The following LILRA4 variants were observed in gnomAD, a reference collection of about 807,000 sequenced individuals.
The protein encoded by LILRA4 is leukocyte immunoglobulin like receptor A4, also known as leukocyte immunoglobulin-like receptor subfamily A member 4.
LILRA4 carries 51 observed loss-of-function variants against 49.5 expected under a neutral mutation model. That is an observed-to-expected ratio of 1.03 (90% CI 0.82 to 1.30). The LOEUF (loss-of-function observed/expected upper bound fraction) is 1.30, where lower values mean the gene tolerates loss of function less well. Ranked by LOEUF, LILRA4 falls within the 50% of genes most tolerant of loss-of-function variation. The pLI is 0.00. For synonymous variants in LILRA4, 272 were observed against 265.6 expected, an observed-to-expected ratio of 1.02 and a Z score of -0.23; for missense variants, 624 against 625.6, an observed-to-expected ratio of 1.00 and a Z score of 0.03.
chr19:54,337,318 C>T (rs113109589), intron 5 of LILRA4, 82 bp downstream of exon 5: 23 of 1,492,522 alleles, frequency 1.5e-5, no homozygotes, highest in Admixed American at 3.8e-5. Flanking sequence ...CACCCCTCAT[C>T]CCGGCCATCA....
rs73938667 is a variant in LILRA4 at position 54,333,389 on chromosome 19, C to T, written c.*183G>A. The T allele has an allele frequency of 8.1e-3, 5,290 of 652,830 alleles. 185 individuals are homozygous for T. The African/African-American group carries it at 0.081, about 10-fold the overall frequency. The allele number at this position is 652,830 out of a possible 1,614,324, so 40.4% of individuals were successfully genotyped here. On this transcript the variant is annotated 3_prime_UTR_variant, in exon 8 of 8. Coordinates refer to ENST00000291759, the MANE Select transcript of LILRA4 (RefSeq NM_012276.5). ...AGCCTTACATCATAGGGAAGAAAAA[C>T]GAAGGAAGGGGCAGTCAAGGAGAGT...
chr19:54,339,055 C>T lies in LILRA4; in HGVS notation c.34+5G>A, dbSNP rs779193913. Reference sequence around the variant, plus strand: ...GGGTCTCTCCTCCCCCTCTTAAGATCTCACCAAAGAAGAGCAGGCTTGTGA... The same window carrying T: ...GGGTCTCTCCTCCCCCTCTTAAGATTTCACCAAAGAAGAGCAGGCTTGTGA... On this transcript the variant is annotated splice_donor_5th_base_variant and intron_variant, in intron 1 of 7. Coordinates refer to ENST00000291759, the MANE Select transcript of LILRA4 (RefSeq NM_012276.5). 2 of 1,614,210 alleles carry T rather than the reference C, an allele frequency of 1.2e-6. No individual in the cohort carries two copies. The highest frequency in any genetic ancestry group is 8.5e-7 in the Non-Finnish European group (1 of 1,180,028).
rs1319921463 is a variant in LILRA4, at chr19:54,338,214, G to A, written c.377C>T (p.Ser126Phe). ...GGTCACCACAGGGCTTGGCAGTGCG[G>A]ACAGGGTGGGTCTGCTGTAGGCTTT... Reference protein sequence around the residue: ...VVTAYSRPTLSALPSPVVTSG... With the variant: ...VVTAYSRPTLFALPSPVVTSG... Residue 126 changes from serine to phenylalanine, a missense_variant, in exon 4 of 8, where the codon TCC (serine) becomes TTC (phenylalanine). Coordinates refer to ENST00000291759, the MANE Select transcript of LILRA4 (RefSeq NM_012276.5). The A allele has an allele frequency of 1.2e-6, 2 of 1,612,426 alleles. No homozygotes were observed. The highest frequency in any genetic ancestry group is 1.7e-5 in the Admixed American group (1 of 59,918).
At position 54,336,701 on chromosome 19, in the gene LILRA4, G is replaced by C. The variant is rs2081326438; in HGVS notation, c.1255+140C>G. On this transcript the variant is annotated intron_variant, in intron 6 of 7. Transcript: ENST00000291759. ...CAGGGCCTGAGCTGAGAGAGGCTCA[G>C]GGCTCACAAAGGCCGGGGCTGATGG... 5.3e-6 allele frequency: 7 copies of C among 1,310,274 alleles called. No homozygotes were observed. The South Asian group carries it at 8.9e-5, about 17-fold the overall frequency. The allele number at this position is 1,310,274 out of a possible 1,614,324, so 81.2% of individuals were successfully genotyped here.
rs1479798674 is a variant in LILRA4, at chr19:54,333,951, G to C, written c.1270C>G (p.Leu424Val). Reference protein sequence around the residue: ...ELVVSGATETLNPAQKKSDSK... With the variant: ...ELVVSGATETVNPAQKKSDSK... ...TCTGACTTCTTTTGTGCTGGATTGAGGGTCTCAGTTGCTCCTAAGAATCAA... is the reference window on the plus strand; with the variant it reads ...TCTGACTTCTTTTGTGCTGGATTGACGGTCTCAGTTGCTCCTAAGAATCAA... Residue 424 changes from leucine (L) to valine (V), a missense_variant, in exon 7 of 8, where the codon CTC becomes GTC. Coordinates refer to ENST00000291759, the MANE Select transcript of LILRA4 (RefSeq NM_012276.5). 2 of 1,613,938 alleles carry C rather than the reference G, an allele frequency of 1.2e-6. No individual in the cohort carries two copies. Among genetic ancestry groups the C allele is most frequent in the East Asian group, 2.2e-5 (1 of 44,888 alleles).
chr19:54,337,323 C>A (rs929787055), intron 5 of LILRA4, 77 bp downstream of exon 5: 46 of 1,577,100 alleles, frequency 2.9e-5, no homozygotes, highest in Non-Finnish European at 3.7e-5. Flanking sequence ...CTCATCCCGG[C>A]CATCACCACC....
At position 54,338,894 on chromosome 19, in the gene LILRA4, G is replaced by T; in HGVS notation, c.42C>A (p.Ser14Arg). 6.2e-7 allele frequency: 1 copy of T among 1,614,134 alleles called. No individual in the cohort carries two copies. Among genetic ancestry groups the T allele is most frequent in the Non-Finnish European group, 8.5e-7 (1 of 1,180,008 alleles). The part of the protein sequence containing the change: ...ILTSLLFFGL[S>R]LGPRTRVQAE... ...CCTGCACCCGGGTCCTGGGGCCCAG[G>T]CTCAGCCCTGGAAGAGAGTTCCCTG... Residue 14 changes from serine to arginine, a missense_variant, in exon 2 of 8, where the codon AGC becomes AGA. Ser to Arg is a moderately radical substitution (Grantham distance 110). Coordinates refer to ENST00000291759, the MANE Select transcript of LILRA4 (RefSeq NM_012276.5).
intron 6 of LILRA4, chr19:54,334,719 C>G (rs1187178916): frequency 1.3e-5 from 2 of 151,664 alleles, no homozygotes; most frequent in Non-Finnish European, 2.9e-5. Flanking sequence ...GTAATCCCAG[C>G]ACTTTGGGAG....
chr19:54,338,231 G>C lies in LILRA4; in HGVS notation c.360C>G (p.Tyr120Ter), dbSNP rs1286239547. The change falls in exon 4 of 8, where the codon TAC becomes TAG. Residue 120 changes from tyrosine (Y) to a stop codon, truncating the protein, a stop_gained. Coordinates refer to ENST00000291759, the MANE Select transcript of LILRA4 (RefSeq NM_012276.5). LOFTEE classifies it high-confidence loss of function. ...GCAGTGCGGACAGGGTGGGTCTGCTGTAGGCTTTCAAGAGAAAAAAAGGCA... is the reference window on the plus strand; with the variant it reads ...GCAGTGCGGACAGGGTGGGTCTGCTCTAGGCTTTCAAGAGAAAAAAAGGCA... ...SDPLELVVTA[Y>*]SRPTLSALPS... 2 of 1,606,116 alleles carry C rather than the reference G, an allele frequency of 1.2e-6. No homozygotes were observed. The highest frequency in any genetic ancestry group is 1.7e-6 in the Non-Finnish European group (2 of 1,175,176).
chr19:54,337,727 C>T (rs756485223), intron 4 of LILRA4, 31 bp from the exon 5 acceptor site: 12 of 1,597,652 alleles, frequency 7.5e-6, no homozygotes, highest in East Asian at 2.2e-5. Context: ...GGACTCGGAG[C>T]GGCTGGTTCC....
In LILRA4 at chr19:54,339,044, C is replaced by T. The variant is rs374179725; in HGVS notation, c.34+16G>A. 16 of 1,614,012 alleles carry T rather than the reference C, an allele frequency of 9.9e-6. No homozygotes were observed. The highest frequency in any genetic ancestry group is 4.0e-5 in the African/African-American group (3 of 74,926). On this transcript the variant is annotated intron_variant, in intron 1 of 7. Coordinates refer to ENST00000291759, the MANE Select transcript of LILRA4 (RefSeq NM_012276.5). ...CTCCTAGACTAGGGTCTCTCCTCCC[C>T]CTCTTAAGATCTCACCAAAGAAGAG...
Position 54,333,394 on chromosome 19 carries a change from G to A in LILRA4, c.*178C>T. On this transcript the variant is annotated 3_prime_UTR_variant, in exon 8 of 8. Coordinates refer to ENST00000291759, the MANE Select transcript of LILRA4 (RefSeq NM_012276.5). ...TACATCATAGGGAAGAAAAACGAAG[G>A]AAGGGGCAGTCAAGGAGAGTCGACA... 3 of 661,110 alleles carry A rather than the reference G, an allele frequency of 4.5e-6. No individual in the cohort carries two copies. The highest frequency in any genetic ancestry group is 7.6e-6 in the Non-Finnish European group (3 of 392,648). 41.0% of individuals were successfully genotyped at this position (661,110 alleles called of 1,614,324 possible).
chr19:54,337,505 T>A lies in LILRA4; in HGVS notation c.847A>T (p.Ser283Cys). 1.2e-6 allele frequency: 2 copies of A among 1,606,756 alleles called. No individual in the cohort carries two copies. Among genetic ancestry groups the A allele is most frequent in the Admixed American group, 1.7e-5 (1 of 59,932 alleles). ...CCCCCGTAGGAGCGGCTCACAGGGC[T>A]CAGGGTGAAGTTGGCCTGGGAGAGC... ...AGLSQANFTL[S>C]PVSRSYGGQY... Residue 283 changes from serine to cysteine, a missense_variant, in exon 5 of 8, where the codon AGC becomes TGC. Coordinates refer to ENST00000291759, the MANE Select transcript of LILRA4 (RefSeq NM_012276.5).
intron 6 of LILRA4, chr19:54,335,264 C>G (rs143260351): frequency 6.6e-6 from 1 of 152,210 alleles, no homozygotes; most frequent in African/African-American, 2.4e-5. Flanking sequence ...CCTGGCTGCT[C>G]TCATGATAGT....
At chr19:54,339,032 G>T (rs779732030) in intron 1 of LILRA4, 28 bp downstream of exon 1, 2 of 1,613,920 alleles carry the variant, frequency 1.2e-6, no homozygotes, top group South Asian at 1.1e-5. Context: ...CTAGACTAGG[G>T]TCTCTCCTCC....
chr19:54,337,841 T>G, intron 4 of LILRA4, 95 bp downstream of exon 4: 1 of 1,461,720 alleles, frequency 6.8e-7, no homozygotes, highest in African/African-American at 1.4e-5. Flanking sequence ...CTTCCCCTCA[T>G]CTTTTCTTCT....
chr19:54,333,940 T>C lies in LILRA4; in HGVS notation c.1281A>G (p.Ala427=), dbSNP rs151317043. ...VSGATETLNP[A]QKKSDSKTAP... The stretch of plus-strand genomic sequence containing the variant: ...CAGTCTTGGAATCTGACTTCTTTTG[T>C]GCTGGATTGAGGGTCTCAGTTGCTC... The change falls in exon 7 of 8, where the codon GCA becomes GCG. Residue 427 remains alanine (A), a synonymous_variant. Coordinates refer to ENST00000291759, the MANE Select transcript of LILRA4 (RefSeq NM_012276.5). 5 of 1,613,998 alleles carry C rather than the reference T, an allele frequency of 3.1e-6. No individual in the cohort carries two copies. The highest frequency in any genetic ancestry group is 4.2e-6 in the Non-Finnish European group (5 of 1,179,954).
At chr19:54,337,205 C>G (rs1001091800) in intron 5 of LILRA4, 62 bp from the exon 6 acceptor site, 2 of 1,540,988 alleles carry the variant, frequency 1.3e-6, no homozygotes, top group Non-Finnish European at 1.8e-6. Context: ...GACCTCCCCA[C>G]CAGTCCTCTC....
chr19:54,333,446 T>C lies in LILRA4; in HGVS notation c.*126A>G. 1.1e-6 allele frequency: 1 copy of C among 901,064 alleles called. No individual in the cohort carries two copies. The highest frequency in any genetic ancestry group is 1.7e-6 in the Non-Finnish European group (1 of 578,572). 55.8% of individuals were successfully genotyped at this position (901,064 alleles called of 1,614,324 possible). ...TGAGGAGGAAAGCACCACAGTTTAA[T>C]GGAGGAAGCATCTTCTACAGACACC... is the stretch of plus-strand genomic sequence containing the variant. On this transcript the variant is annotated 3_prime_UTR_variant, in exon 8 of 8. Transcript: ENST00000291759.
Sources: allele counts gnomAD v4.1 joint callset, GRCh38; gene constraint gnomAD v4.1.1; transcripts MANE v1.5; gene names NCBI Gene and HGNC (gene_info 2026-07-23, HGNC 2026-07-21).